Variants in UGGT2 observed in about 807,000 individuals in gnomAD.
The protein encoded by UGGT2 is UDP-glucose:glycoprotein glucosyltransferase 2.
A neutral mutation model predicts 192.1 loss-of-function variants in UGGT2; 180 were observed. That is an observed-to-expected ratio of 0.94 (90% CI 0.83 to 1.06). UGGT2 has a LOEUF of 1.06. Among genes scored for constraint, UGGT2 ranks in the 50% least tolerant of loss-of-function variants. The probability of loss-of-function intolerance (pLI) is 0.00; values close to 1 mark genes in which losing one functional copy is unlikely to be tolerated. For missense variants in UGGT2, 1,849 were observed against 1,795.7 expected, an observed-to-expected ratio of 1.03 and a Z score of -0.54; for synonymous variants, 580 against 591.0, an observed-to-expected ratio of 0.98 and a Z score of 0.27.
chr13:95,940,602 C>A (rs1244393893), intron 15 of UGGT2, among the ~76,000 whole-genome samples: 1 of 151,760 alleles, frequency 6.6e-6, no homozygotes, highest in Non-Finnish European at 1.5e-5. Flanking sequence ...CAGGAACTTG[C>A]CACCACACCT....
Position 96,053,359 on chromosome 13 carries a change from CTG to C in UGGT2, c.-49_-48del. On this transcript the variant is annotated 5_prime_UTR_variant, in exon 1 of 39. Transcript: ENST00000376747. ...GTCCCTCGGACCCGGTACCCACAGT[CTG>C]TGGCCGCCACGCTTCGGCCGGCTCT... is the stretch of plus-strand genomic sequence containing the variant. The C allele has an allele frequency of 6.4e-7, 1 of 1,551,482 alleles. No homozygotes were observed. Among genetic ancestry groups the C allele is most frequent in the African/African-American group, 1.4e-5 (1 of 71,228 alleles).
At chr13:95,901,091 A>G (rs979568965) in intron 21 of UGGT2, among the ~76,000 whole-genome samples, 153 bp from the exon 22 acceptor site, 2 of 152,132 alleles carry the variant, frequency 1.3e-5, no homozygotes, top group African/African-American at 4.8e-5. Context: ...ATTTTTAAAA[A>G]AAGAATTCTG....
At chr13:95,944,347 G>T (rs1231503807) in intron 15 of UGGT2, among the ~76,000 whole-genome samples, 2 of 151,840 alleles carry the variant, frequency 1.3e-5, no homozygotes, top group Non-Finnish European at 2.9e-5. Flanking sequence ...TTGAATATTT[G>T]GTAGAATTTG....
At chr13:95,910,099 C>A (rs2048438848) in intron 20 of UGGT2, among the ~76,000 whole-genome samples, 1 of 152,152 alleles carries the variant, frequency 6.6e-6, no homozygotes, top group Admixed American at 6.5e-5. Flanking sequence ...AAGCACTAAA[C>A]ATGGAAAGGA....
At chr13:96,032,973 T>C (rs1460130831) in intron 1 of UGGT2, among the ~76,000 whole-genome samples, 1 of 152,230 alleles carries the variant, frequency 6.6e-6, no homozygotes, top group Non-Finnish European at 1.5e-5. Context: ...ACAGACATGC[T>C]CATATACTGT....
At chr13:95,989,930 C>G (rs748357753) in intron 8 of UGGT2, 43 bp downstream of exon 8, 2 of 1,334,740 alleles carry the variant, frequency 1.5e-6, no homozygotes, top group East Asian at 4.8e-5. Flanking sequence ...CAAAACAGAT[C>G]AGTTACCAAA....
In UGGT2 at chr13:95,853,656, C is replaced by A; in HGVS notation, c.4171G>T (p.Ala1391Ser). The change falls in exon 36 of 39, where the codon GCT becomes TCT. Residue 1391 changes from alanine to serine, a missense_variant and splice_region_variant. By Grantham distance (99) the Ala-to-Ser change is moderately conservative (BLOSUM62 1). Coordinates refer to ENST00000376747, the MANE Select transcript of UGGT2 (RefSeq NM_020121.4). ...HLLRRKYHIS[A>S]LYVVDLKKFR... ...TTCTTGAGATCCACTACATATAAAG[C>A]ACTGCAAAAATGAATTACTTCTTGA... 1 of 1,547,362 alleles carries A rather than the reference C, an allele frequency of 6.5e-7. No homozygotes were observed.
intron 1 of UGGT2, among the ~76,000 whole-genome samples, chr13:96,048,052 C>T (rs145125057): frequency 1.3e-5 from 2 of 152,162 alleles, no homozygotes; most frequent in African/African-American, 2.4e-5. Context: ...AGCACCACAC[C>T]GCACTTATTC....
intron 1 of UGGT2, among the ~76,000 whole-genome samples, chr13:96,040,853 A>G (rs2053144998): frequency 1.3e-5 from 2 of 152,170 alleles, no homozygotes; most frequent in South Asian, 4.1e-4. Context: ...GTAAAGCCAG[A>G]TACTGTAACA....
At position 96,024,033 on chromosome 13, in the gene UGGT2, A is replaced by C. The variant is rs539872287; in HGVS notation, c.242-274T>G. ...AAACACCAACATTTCAGACCAACTT[A>C]CTCCAAAGTTGTGGGGTTATATTAC... is the stretch of plus-strand genomic sequence containing the variant. On this transcript the variant is annotated intron_variant, in intron 2 of 38. Coordinates refer to ENST00000376747, the MANE Select transcript of UGGT2 (RefSeq NM_020121.4). Among the ~76,000 whole-genome samples, 6 of 152,258 alleles carry C rather than the reference A, an allele frequency of 3.9e-5. No individual in the cohort carries two copies. The East Asian group carries it at 1.2e-3, about 29-fold the overall frequency.
intron 17 of UGGT2, 126 bp from the exon 18 acceptor site, chr13:95,927,462 TTTTC>T (rs200840721): frequency 0.023 from 15,402 of 657,510 alleles, 71 homozygotes; most frequent in African/African-American, 0.029. Flanking sequence ...TTACAATACA[TTTTC>T]TTTCTTTTTT....
intron 12 of UGGT2, among the ~76,000 whole-genome samples, chr13:95,956,343 G>A (rs1224582483): frequency 6.6e-6 from 1 of 152,148 alleles, no homozygotes; most frequent in Non-Finnish European, 1.5e-5. Flanking sequence ...AAATTTTGTT[G>A]TACATCAAAG....
rs373265157 is a variant in UGGT2, at chr13:95,949,416, T to C, written c.1374A>G (p.Thr458=). ...NDLENDDLYI[T]WPTSCQKLLK... is the part of the protein sequence containing the mutation. ...GAAGTTTCTGGCAACTTGTAGGCCA[T>C]GTAATATACAAATCATCATTTTCTA... The change falls in exon 13 of 39, where the codon ACA becomes ACG. Residue 458 remains threonine, a synonymous_variant. Transcript: ENST00000376747. 2.4e-5 allele frequency: 37 copies of C among 1,570,644 alleles called. No individual in the cohort carries two copies. The African/African-American group carries it at 3.0e-4, about 13-fold the overall frequency.
chr13:95,823,697 A>G (rs1027339854), intron 38 of UGGT2, among the ~76,000 whole-genome samples: 8 of 151,970 alleles, frequency 5.3e-5, no homozygotes, highest in Non-Finnish European at 2.9e-5. Flanking sequence ...TTGGATTGTG[A>G]TTTTTAAATT....
At chr13:95,963,453 T>C (rs2050468043) in intron 12 of UGGT2, among the ~76,000 whole-genome samples, 1 of 152,142 alleles carries the variant, frequency 6.6e-6, no homozygotes, top group Non-Finnish European at 1.5e-5. Flanking sequence ...TCATACGCAC[T>C]GTGGAAAAGC....
chr13:95,955,884 C>A (rs899419862), intron 12 of UGGT2, among the ~76,000 whole-genome samples: 2 of 152,194 alleles, frequency 1.3e-5, no homozygotes, highest in African/African-American at 2.4e-5. Context: ...GTCACAGTTA[C>A]AAGCATGAGT....
rs149367167 is a variant in UGGT2 at position 95,888,199 on chromosome 13, A to G, written c.2959-228T>C. On this transcript the variant is annotated intron_variant, in intron 25 of 38. Coordinates refer to ENST00000376747, the MANE Select transcript of UGGT2 (RefSeq NM_020121.4). ...ATTTTAATCCAAACAGTTGATTTCA[A>G]TGTCCCAGGGTTATGCTGCTTGCCC... 9.9e-4 allele frequency among the ~76,000 whole-genome samples: 151 copies of G among 152,318 alleles called. 1 individual carries two copies. The highest frequency in any genetic ancestry group is 3.1e-3 in the African/African-American group (128 of 41,582).
rs775318125 is a variant in UGGT2 at position 96,023,671 on chromosome 13, G to A, written c.330C>T (p.Phe110=). Residue 110 remains phenylalanine, a synonymous_variant, in exon 3 of 39, where the codon TTC becomes TTT. Transcript: ENST00000376747. ...TAGCTGGGGAGTATGCCCTTATAGA[G>A]AAAGCAAACTTTAAAAGGTTGATGT... ...NLHINLLKFA[F]SIRAYSPAIQ... The A allele has an allele frequency of 6.2e-7, 1 of 1,612,020 alleles. No individual in the cohort carries two copies. Among genetic ancestry groups the A allele is most frequent in the South Asian group, 1.1e-5 (1 of 90,894 alleles).
intron 38 of UGGT2, among the ~76,000 whole-genome samples, chr13:95,821,973 T>C (rs566157742): frequency 6.6e-6 from 1 of 152,336 alleles, no homozygotes; most frequent in East Asian, 1.9e-4. Context: ...AGCCTTGTAG[T>C]AGAATTTGAA....
Sources: gnomAD v4.1 joint callset for allele counts (sites outside exome capture counted in the v4.1 genomes callset) on GRCh38, gnomAD v4.1.1 for gene constraint, MANE v1.5 for transcripts, NCBI Gene and HGNC (gene_info 2026-07-23, HGNC 2026-07-21) for gene names.